The following DLGAP1 variants were observed in gnomAD, a reference collection of about 807,000 sequenced individuals.
The protein encoded by DLGAP1 is disks large-associated protein 1.
A neutral mutation model predicts 90.8 loss-of-function variants in DLGAP1; 11 were observed. The ratio of observed to expected loss-of-function variants is 0.12; its 90% confidence interval spans 0.08 to 0.20. The LOEUF is 0.20. Ranked by LOEUF, DLGAP1 falls within the 10% of genes least tolerant of loss-of-function variation. The probability of loss-of-function intolerance (pLI) is 1.00; values close to 1 mark genes in which losing one functional copy is unlikely to be tolerated. For missense variants in DLGAP1, 1,050 were observed against 1,333.8 expected, an observed-to-expected ratio of 0.79 and a Z score of 3.31; for synonymous variants, 558 against 540.7, an observed-to-expected ratio of 1.03 and a Z score of -0.44.
At chr18:4,329,552 T>A (rs921352683) in intron 1 of DLGAP1, among the ~76,000 whole-genome samples, 7 of 151,948 alleles carry the variant, frequency 4.6e-5, no homozygotes, top group African/African-American at 1.7e-4. Context: ...TATTATTTAA[T>A]TCACTAGGAT....
chr18:3,972,190 C>A (rs1372246304), intron 3 of DLGAP1, among the ~76,000 whole-genome samples: 1 of 151,736 alleles, frequency 6.6e-6, no homozygotes, highest in East Asian at 1.9e-4. Context: ...ATAAAAAATA[C>A]AACACCTCAA....
At chr18:3,891,527 T>C (rs2071458303) in intron 3 of DLGAP1, among the ~76,000 whole-genome samples, 1 of 152,146 alleles carries the variant, frequency 6.6e-6, no homozygotes, top group African/African-American at 2.4e-5. Flanking sequence ...TCAAGTCTAC[T>C]CCTTATTTCT....
At chr18:4,282,117 C>G (rs2145436785) in intron 1 of DLGAP1, among the ~76,000 whole-genome samples, 1 of 152,246 alleles carries the variant, frequency 6.6e-6, no homozygotes, top group South Asian at 2.1e-4. Flanking sequence ...GTAATCCCAG[C>G]ACTTTGGGAG....
chr18:3,955,223 G>T (rs1372197723), intron 3 of DLGAP1, among the ~76,000 whole-genome samples: 1 of 152,132 alleles, frequency 6.6e-6, no homozygotes, highest in Non-Finnish European at 1.5e-5. Flanking sequence ...TTTAGTAAGT[G>T]GGGAATTACT....
At chr18:4,384,398 C>T (rs975271664) in intron 1 of DLGAP1, among the ~76,000 whole-genome samples, 16 of 152,058 alleles carry the variant, frequency 1.1e-4, no homozygotes, top group Non-Finnish European at 1.9e-4. Flanking sequence ...ATCTGATAAC[C>T]ATCTTTGTGT....
At chr18:3,967,775 A>G (rs956415046) in intron 3 of DLGAP1, among the ~76,000 whole-genome samples, 1 of 152,178 alleles carries the variant, frequency 6.6e-6, no homozygotes, top group African/African-American at 2.4e-5. Flanking sequence ...AGCTATTTTT[A>G]AAAATTCGAG....
At chr18:3,546,462 A>G (rs994690988) in intron 9 of DLGAP1, among the ~76,000 whole-genome samples, 4 of 151,822 alleles carry the variant, frequency 2.6e-5, no homozygotes, top group Non-Finnish European at 4.4e-5. Context: ...CCTAGTACAC[A>G]CAGAGCATTT....
chr18:3,905,211 C>G (rs773616398), intron 3 of DLGAP1, among the ~76,000 whole-genome samples: 1 of 150,218 alleles, frequency 6.7e-6, no homozygotes, highest in South Asian at 2.1e-4. Context: ...ACTAAAAATA[C>G]AAAAAATTAG....
At position 3,532,345 on chromosome 18, in the gene DLGAP1, C is replaced by T. The variant is rs919208035; in HGVS notation, c.2479+1849G>A. On this transcript the variant is annotated intron_variant, in intron 10 of 12. Coordinates refer to ENST00000315677, the MANE Select transcript of DLGAP1 (RefSeq NM_004746.4). ...CTGTAATCCCAGCACTTTGGGAGGC[C>T]GAGGCGGGTGGATCACCTGAGCTCA... Among the ~76,000 whole-genome samples, 24 of 151,720 alleles carry T rather than the reference C, an allele frequency of 1.6e-4. No individual in the cohort carries two copies. The South Asian group carries it at 3.1e-3, about 20-fold the overall frequency.
chr18:4,107,188 T>C (rs902176180), intron 2 of DLGAP1, among the ~76,000 whole-genome samples: 1 of 152,234 alleles, frequency 6.6e-6, no homozygotes, highest in African/African-American at 2.4e-5. Context: ...GCTTAGATTC[T>C]ACTTCAGCCT....
chr18:4,021,352 G>A (rs930380145), intron 2 of DLGAP1, among the ~76,000 whole-genome samples: 20 of 152,200 alleles, frequency 1.3e-4, no homozygotes, highest in African/African-American at 3.6e-4. Context: ...TTTCTTGTGA[G>A]ATCTGGTTGC....
At chr18:3,693,182 C>A (rs1675259) in intron 7 of DLGAP1, among the ~76,000 whole-genome samples, 152,358 of 152,358 alleles carry the variant, frequency 1, 76,179 homozygotes, top group Non-Finnish European at 1. Flanking sequence ...TCCTGGGCTC[C>A]AGCGATCCTC....
intron 1 of DLGAP1, among the ~76,000 whole-genome samples, chr18:4,271,123 C>T (rs993341077): frequency 2.0e-5 from 3 of 152,120 alleles, no homozygotes; most frequent in Non-Finnish European, 2.9e-5. Flanking sequence ...TGGTTGACAG[C>T]TTTCTCCAAG....
chr18:4,078,915 AT>A (rs200340186), intron 2 of DLGAP1, among the ~76,000 whole-genome samples: 8 of 151,444 alleles, frequency 5.3e-5, no homozygotes, highest in African/African-American at 9.7e-5. Flanking sequence ...ACTAGTTAGC[AT>A]TTTTTTTTCT....
At chr18:3,678,696 C>T (rs1196740677) in intron 7 of DLGAP1, among the ~76,000 whole-genome samples, 1 of 152,148 alleles carries the variant, frequency 6.6e-6, no homozygotes, top group African/African-American at 2.4e-5. Context: ...GGTTATTATA[C>T]CACACAACTT....
At chr18:3,749,148 C>CTTTT (rs776707431) in intron 5 of DLGAP1, among the ~76,000 whole-genome samples, 175 of 120,636 alleles carry the variant, frequency 1.5e-3, no homozygotes, top group African/African-American at 1.8e-3. Context: ...TCTTCTTCTT[C>CTTTT]TTTTTTTTTT....
intron 5 of DLGAP1, among the ~76,000 whole-genome samples, chr18:3,776,472 G>A (rs986500552): frequency 1.3e-5 from 2 of 152,026 alleles, no homozygotes; most frequent in African/African-American, 4.8e-5. Flanking sequence ...CCAAGAGACC[G>A]GCCTCTTGGA....
chr18:3,784,652 A>G (rs1434945225), intron 5 of DLGAP1, among the ~76,000 whole-genome samples: 2 of 152,184 alleles, frequency 1.3e-5, no homozygotes, highest in Admixed American at 6.5e-5. Flanking sequence ...GTGCCCACAC[A>G]GAACTGCTCC....
At chr18:4,057,755 A>G (rs2075243083) in intron 2 of DLGAP1, among the ~76,000 whole-genome samples, 1 of 152,184 alleles carries the variant, frequency 6.6e-6, no homozygotes, top group African/African-American at 2.4e-5. Context: ...TCAGACCTGT[A>G]TGGATTCGCC....
Sources: gnomAD v4.1 joint callset for allele counts (sites outside exome capture counted in the v4.1 genomes callset) on GRCh38, gnomAD v4.1.1 for gene constraint, MANE v1.5 for transcripts, NCBI Gene and HGNC (gene_info 2026-07-23, HGNC 2026-07-21) for gene names.